The following TBC1D22A variants were observed in gnomAD, a reference collection of about 807,000 sequenced individuals.
The protein encoded by TBC1D22A is putative GTPase activator.
In TBC1D22A, 38 loss-of-function variants were observed where a neutral mutation model predicts 60.2. The observed-to-expected ratio is 0.63, with a 90% CI of 0.49 to 0.83. The LOEUF (loss-of-function observed/expected upper bound fraction) is 0.83, where lower values mean the gene tolerates loss of function less well. TBC1D22A is among the 40% of genes least tolerant of loss of function. TBC1D22A has a pLI of 0.00. For missense variants in TBC1D22A, 628 were observed against 701.0 expected (o/e 0.90, Z 1.18); for synonymous variants, 302 against 281.7 (o/e 1.07, Z -0.72).
intron 11 of TBC1D22A, among the ~76,000 whole-genome samples, chr22:47,088,740 T>A (rs896799666): frequency 1.3e-5 from 2 of 152,194 alleles, no homozygotes; most frequent in African/African-American, 4.8e-5. Flanking sequence ...AGAGGGAGCT[T>A]GCAGGGGACT....
At chr22:47,061,653 C>T (rs2063582762) in intron 11 of TBC1D22A, among the ~76,000 whole-genome samples, 1 of 152,146 alleles carries the variant, frequency 6.6e-6, no homozygotes, top group Non-Finnish European at 1.5e-5. Context: ...CACCTGACTC[C>T]TTCCACTCTC....
chr22:46,891,646 T>G (rs1005004182), intron 6 of TBC1D22A, among the ~76,000 whole-genome samples: 8 of 152,218 alleles, frequency 5.3e-5, no homozygotes, highest in Non-Finnish European at 1.2e-4. Context: ...TAAATTGAGG[T>G]TACAAAATAA....
Position 46,792,577 on chromosome 22 carries a change from G to C in TBC1D22A, c.119+1G>C, listed in dbSNP as rs1389369303. 1 of 1,614,092 alleles carries C rather than the reference G, an allele frequency of 6.2e-7. No individual in the cohort carries two copies. The highest frequency in any genetic ancestry group is 1.3e-5 in the African/African-American group (1 of 74,932). On this transcript the variant is annotated splice_donor_variant, in intron 2 of 12. Transcript: ENST00000337137. LOFTEE classifies it high-confidence loss of function. The stretch of plus-strand genomic sequence containing the variant: ...CCTTTGATCCACTGTTACATGGCAC[G>C]TAAGTGACGTTCCAACCTCACTTGG...
chr22:46,896,270 T>A (rs2068674441), intron 7 of TBC1D22A, among the ~76,000 whole-genome samples: 1 of 152,226 alleles, frequency 6.6e-6, no homozygotes, highest in Non-Finnish European at 1.5e-5. Flanking sequence ...TGATTCTTTG[T>A]CAGTTTGTAT....
At chr22:47,087,067 C>T (rs1380049969) in intron 11 of TBC1D22A, among the ~76,000 whole-genome samples, 1 of 152,242 alleles carries the variant, frequency 6.6e-6, no homozygotes, top group East Asian at 1.9e-4. Flanking sequence ...GGTTGCCTCA[C>T]TGTTTACTGG....
At chr22:47,048,598 C>T (rs1048431763) in intron 11 of TBC1D22A, among the ~76,000 whole-genome samples, 3 of 152,220 alleles carry the variant, frequency 2.0e-5, no homozygotes, top group African/African-American at 7.2e-5. Flanking sequence ...ATGGGAAGCA[C>T]TTACAGTTCC....
intron 10 of TBC1D22A, among the ~76,000 whole-genome samples, chr22:47,032,993 G>A (rs145270441): frequency 4.6e-5 from 7 of 152,340 alleles, no homozygotes; most frequent in East Asian, 3.9e-4. Context: ...TGTCGCTGTC[G>A]TCCTGGCTGC....
chr22:46,983,212 G>A (rs1223649974), intron 9 of TBC1D22A, among the ~76,000 whole-genome samples: 1 of 152,206 alleles, frequency 6.6e-6, no homozygotes, highest in Non-Finnish European at 1.5e-5. Context: ...AGTGCAGGAG[G>A]GTGCCCAGGC....
chr22:46,813,770 G>T (rs1430348262), intron 4 of TBC1D22A, among the ~76,000 whole-genome samples: 1 of 152,246 alleles, frequency 6.6e-6, no homozygotes, highest in Non-Finnish European at 1.5e-5. Flanking sequence ...CAGAATAGCT[G>T]CAGAGAAGTT....
At chr22:47,094,093 A>G (rs968545567) in intron 11 of TBC1D22A, among the ~76,000 whole-genome samples, 2 of 152,218 alleles carry the variant, frequency 1.3e-5, no homozygotes, top group African/African-American at 4.8e-5. Context: ...TCTGGATGCT[A>G]TAAGCTGGTA....
intron 4 of TBC1D22A, among the ~76,000 whole-genome samples, chr22:46,821,753 C>T (rs2085841304): frequency 6.6e-6 from 1 of 152,010 alleles, no homozygotes; most frequent in Non-Finnish European, 1.5e-5. Context: ...ATGGTGTTCT[C>T]TGTATTTCCC....
At chr22:46,956,201 T>C (rs2073179863) in intron 8 of TBC1D22A, among the ~76,000 whole-genome samples, 1 of 152,124 alleles carries the variant, frequency 6.6e-6, no homozygotes, top group African/African-American at 2.4e-5. Context: ...ACAGAAGATG[T>C]TTGGAGATAG....
chr22:47,081,567 T>C (rs2064469066), intron 11 of TBC1D22A, among the ~76,000 whole-genome samples: 1 of 152,186 alleles, frequency 6.6e-6, no homozygotes, highest in Non-Finnish European at 1.5e-5. Context: ...TTGGATTATA[T>C]AGATAGAAAA....
At chr22:46,811,023 C>T (rs1046324130) in intron 4 of TBC1D22A, among the ~76,000 whole-genome samples, 3 of 152,214 alleles carry the variant, frequency 2.0e-5, no homozygotes, top group Non-Finnish European at 4.4e-5. Flanking sequence ...GTGTCAGAGT[C>T]CATCATGCGG....
At chr22:46,982,623 G>T (rs1008255073) in intron 9 of TBC1D22A, among the ~76,000 whole-genome samples, 1 of 152,232 alleles carries the variant, frequency 6.6e-6, no homozygotes, top group Non-Finnish European at 1.5e-5. Flanking sequence ...TCTGTCCAGC[G>T]AGTAATGCCT....
chr22:47,047,016 A>T (rs2063056671), intron 11 of TBC1D22A, among the ~76,000 whole-genome samples: 2 of 152,244 alleles, frequency 1.3e-5, no homozygotes, highest in African/African-American at 4.8e-5. Context: ...TTTTATCTGC[A>T]GTGTGACCTT....
intron 1 of TBC1D22A, among the ~76,000 whole-genome samples, chr22:46,779,547 C>T (rs2083850589): frequency 6.6e-6 from 1 of 152,200 alleles, no homozygotes; most frequent in African/African-American, 2.4e-5. Context: ...ACGTGAGCCA[C>T]AGCGCCTGGC....
intron 12 of TBC1D22A, among the ~76,000 whole-genome samples, chr22:47,137,694 G>A (rs13058066): frequency 0.27 from 41,295 of 152,140 alleles, 6,350 homozygotes; most frequent in East Asian, 0.61. Context: ...TGAAGCAGGC[G>A]GTATCTTCAT....
chr22:47,111,389 C>T, intron 11 of TBC1D22A, 119 bp from the exon 12 acceptor site: 1 of 826,400 alleles, frequency 1.2e-6, no homozygotes, highest in South Asian at 1.7e-5. Context: ...TGAGTCAACA[C>T]AAGCTTTGGT....
Sources: gnomAD v4.1 joint callset for allele counts (sites outside exome capture counted in the v4.1 genomes callset) on GRCh38, gnomAD v4.1.1 for gene constraint, MANE v1.5 for transcripts, NCBI Gene and HGNC (gene_info 2026-07-23, HGNC 2026-07-21) for gene names.